The following PREP variants were observed in gnomAD, a reference collection of about 807,000 sequenced individuals.
PREP encodes the protein dJ355L5.1 (prolyl endopeptidase).
Under a neutral mutation model 87.6 loss-of-function variants are expected in PREP, and 29 were observed. The ratio of observed to expected loss-of-function variants is 0.33; its 90% CI spans 0.25 to 0.45. The LOEUF is 0.45. Among genes scored for constraint, PREP ranks in the 20% least tolerant of loss-of-function variants. The pLI is 1.00. For missense variants in PREP, 695 were observed against 886.5 expected (o/e 0.78, Z 2.74); for synonymous variants, 337 against 328.6 (o/e 1.03, Z -0.28).
chr6:105,376,328 C>T, intron 3 of PREP, 73 bp from the exon 4 acceptor site: 2 of 1,519,932 alleles, frequency 1.3e-6, no homozygotes, highest in Non-Finnish European at 1.8e-6. Flanking sequence ...CACACACAAG[C>T]AAAAACCAAA....
At position 105,402,418 on chromosome 6, in the gene PREP, TCACACACACACA is replaced by T. The variant is rs36086068; in HGVS notation, c.45+417_45+428del. Among the ~76,000 whole-genome samples the T allele has an allele frequency of 1.8e-4, 27 of 147,220 alleles. No homozygotes were observed. In the East Asian group the frequency reaches 2.4e-3, roughly 13 times the overall value. On this transcript the variant is annotated intron_variant, in intron 1 of 14. Coordinates refer to ENST00000652536, the MANE Select transcript of PREP (RefSeq NM_002726.5). ...TTTGTTTTCGTTTTTAAATGTGACA[TCACACACACACA>T]CACACACACACACACACAAACACAC...
chr6:105,281,729 T>G lies in PREP; in HGVS notation c.1838+17A>C, dbSNP rs766084516. 1 of 1,611,208 alleles carries G rather than the reference T, an allele frequency of 6.2e-7. No individual in the cohort carries two copies. The highest frequency in any genetic ancestry group is 8.5e-7 in the Non-Finnish European group (1 of 1,178,808). On this transcript the variant is annotated intron_variant, in intron 14 of 14. Coordinates refer to ENST00000652536, the MANE Select transcript of PREP (RefSeq NM_002726.5). ...TATCAAACCACTAACAACATATATA[T>G]GTCAATAAAACCTTACTTGACAAGC...
intron 10 of PREP, among the ~76,000 whole-genome samples, chr6:105,314,943 A>G (rs950655080): frequency 1.3e-5 from 2 of 152,212 alleles, no homozygotes; most frequent in Admixed American, 6.5e-5. Flanking sequence ...TAGCAGGTAT[A>G]AACACAACAT....
At chr6:105,351,034 A>T (rs1439963552) in intron 7 of PREP, among the ~76,000 whole-genome samples, 1 of 152,244 alleles carries the variant, frequency 6.6e-6, no homozygotes, top group Non-Finnish European at 1.5e-5. Context: ...CTGACAGATC[A>T]GGTTAGTACC....
At chr6:105,292,115 T>C (rs1227761618) in intron 10 of PREP, among the ~76,000 whole-genome samples, 1 of 152,176 alleles carries the variant, frequency 6.6e-6, no homozygotes, top group African/African-American at 2.4e-5. Flanking sequence ...CAATCACTTC[T>C]TTCAAACTCC....
At chr6:105,383,049 G>T (rs888830623) in intron 2 of PREP, among the ~76,000 whole-genome samples, 2 of 152,144 alleles carry the variant, frequency 1.3e-5, no homozygotes, top group South Asian at 4.1e-4. Context: ...TACAGGGACA[G>T]CCCCATCAAA....
chr6:105,297,899 A>T (rs963171562), intron 10 of PREP, among the ~76,000 whole-genome samples: 1 of 152,228 alleles, frequency 6.6e-6, no homozygotes, highest in Non-Finnish European at 1.5e-5. Context: ...TGTCTTTGGA[A>T]GCATCGGTAA....
intron 6 of PREP, among the ~76,000 whole-genome samples, chr6:105,355,099 T>TG (rs1405810575): frequency 2.0e-5 from 3 of 151,032 alleles, no homozygotes; most frequent in African/African-American, 7.3e-5. Flanking sequence ...GTAGTTTTTT[T>TG]TTTTTTTTTT....
chr6:105,301,124 G>A (rs1423076527), intron 10 of PREP, among the ~76,000 whole-genome samples: 1 of 152,246 alleles, frequency 6.6e-6, no homozygotes, highest in African/African-American at 2.4e-5. Context: ...CCAGTCATGA[G>A]ATGTGCTCAT....
intron 7 of PREP, among the ~76,000 whole-genome samples, chr6:105,347,792 T>C (rs1175121077): frequency 1.3e-5 from 2 of 152,108 alleles, no homozygotes; most frequent in Non-Finnish European, 2.9e-5. Context: ...GCAGGAGGAC[T>C]GCTTGAGCCC....
At chr6:105,323,056 G>A (rs954593987) in intron 10 of PREP, 42 of 1,303,886 alleles carry the variant, frequency 3.2e-5, no homozygotes, top group African/African-American at 7.6e-5. Flanking sequence ...GACATTCTTC[G>A]TCATCATCAA....
chr6:105,324,787 C>A (rs1449032832), intron 9 of PREP, among the ~76,000 whole-genome samples: 1 of 152,196 alleles, frequency 6.6e-6, no homozygotes, highest in Non-Finnish European at 1.5e-5. Context: ...AGCTGGGAAA[C>A]AATACGCTGC....
intron 10 of PREP, among the ~76,000 whole-genome samples, chr6:105,304,765 A>G (rs919737564): frequency 6.6e-6 from 1 of 152,186 alleles, no homozygotes; most frequent in African/African-American, 2.4e-5. Flanking sequence ...TTAAAAAAAA[A>G]TTTATACAGA....
At chr6:105,290,849 C>T (rs1770283946) in intron 10 of PREP, among the ~76,000 whole-genome samples, 1 of 152,132 alleles carries the variant, frequency 6.6e-6, no homozygotes, top group South Asian at 2.1e-4. Context: ...GAAAGCGGTC[C>T]AAAATGAAAG....
intron 12 of PREP, among the ~76,000 whole-genome samples, chr6:105,284,523 G>A (rs1770149590): frequency 6.6e-6 from 1 of 152,154 alleles, no homozygotes; most frequent in African/African-American, 2.4e-5. Flanking sequence ...GGTCTCTGAT[G>A]CTGAGGAGAC....
chr6:105,379,239 G>A (rs1021442453), intron 2 of PREP, among the ~76,000 whole-genome samples: 2 of 152,186 alleles, frequency 1.3e-5, no homozygotes, highest in African/African-American at 4.8e-5. Flanking sequence ...GATCAGAATG[G>A]TTTTTGTATT....
Position 105,351,058 on chromosome 6 carries a change from GTTC to G in PREP, c.823+1911_823+1913del, listed in dbSNP as rs1771938472. On this transcript the variant is annotated intron_variant, in intron 7 of 14. Transcript: ENST00000652536. ...CAGGTTAGTACCACTGGACTTGTTTGTTCCATGAGCTCACTGTGATGGTCTTTT... is the reference window on the plus strand; with the variant it reads ...CAGGTTAGTACCACTGGACTTGTTTGCATGAGCTCACTGTGATGGTCTTTT... Among the ~76,000 whole-genome samples, 3 of 152,338 alleles carry G rather than the reference GTTC, an allele frequency of 2.0e-5. No homozygotes were observed. In the South Asian group the frequency reaches 6.2e-4, roughly 32 times the overall value.
rs751569175 is a variant in PREP, at chr6:105,328,952, G to A, written c.1090C>T (p.His364Tyr). 3 of 1,614,070 alleles carry A rather than the reference G, an allele frequency of 1.9e-6. No homozygotes were observed. Among genetic ancestry groups the A allele is most frequent in the Non-Finnish European group, 2.5e-6 (3 of 1,180,038 alleles). The change falls in exon 9 of 15, where the codon CAT becomes TAT. Residue 364 changes from histidine to tyrosine, a missense_variant. Around this residue, in one of 5 missense-constraint regions of PREP, gnomAD observed 517 missense variants for 620.3 expected, o/e 0.83. Coordinates refer to ENST00000652536, the MANE Select transcript of PREP (RefSeq NM_002726.5). The part of the protein sequence containing the change: ...LHDVKNILQL[H>Y]DLTTGALLKT... The stretch of plus-strand genomic sequence containing the variant: ...AGGAGAGCACCAGTAGTCAGGTCAT[G>A]GAGCTGCAGAATGTTCTTGACGTCA...
chr6:105,342,056 C>A (rs1417699390), intron 7 of PREP, among the ~76,000 whole-genome samples: 2 of 152,162 alleles, frequency 1.3e-5, no homozygotes, highest in Admixed American at 6.5e-5. Context: ...CATCCTGATA[C>A]CAAAGCCTGG....
Sources: allele counts gnomAD v4.1 joint callset (sites outside exome capture counted in the v4.1 genomes callset), GRCh38; gene constraint gnomAD v4.1.1; regional missense constraint gnomAD v4.1.1; transcripts MANE v1.5; gene names NCBI Gene and HGNC (gene_info 2026-07-23, HGNC 2026-07-21).